The following PRR14L variants were observed in gnomAD, a reference collection of about 807,000 sequenced individuals.
PRR14L encodes protein PRR14L.
A neutral mutation model predicts 155.0 loss-of-function variants in PRR14L; 80 were observed. That is an observed-to-expected ratio of 0.52 (90% CI 0.43 to 0.62). The LOEUF is 0.62. PRR14L is among the 20% of genes least tolerant of loss of function. The pLI is 0.00. For missense variants in PRR14L, 2,469 were observed against 2,548.0 expected (o/e 0.97, Z 0.67); for synonymous variants, 883 against 916.0 (o/e 0.96, Z 0.65).
chr22:31,723,018 A>T (rs1043703972), intron 3 of PRR14L, among the ~76,000 whole-genome samples: 2 of 152,080 alleles, frequency 1.3e-5, no homozygotes, highest in African/African-American at 2.4e-5. Flanking sequence ...TCTCCACAGA[A>T]TCTTCTTCTC....
At chr22:31,727,546 A>C (rs2074723478) in intron 2 of PRR14L, among the ~76,000 whole-genome samples, 1 of 152,060 alleles carries the variant, frequency 6.6e-6, no homozygotes, top group Non-Finnish European at 1.5e-5. Context: ...ATTAGCCACA[A>C]TTCTTAACAG....
At chr22:31,723,147 C>T (rs2074699891) in intron 3 of PRR14L, among the ~76,000 whole-genome samples, 1 of 152,140 alleles carries the variant, frequency 6.6e-6, no homozygotes, top group African/African-American at 2.4e-5. Context: ...CTGCTAAAAA[C>T]TCTAGTAGAG....
chr22:31,739,037 C>T (rs1221470588), intron 1 of PRR14L, 126 bp from the exon 2 acceptor site: 2 of 529,942 alleles, frequency 3.8e-6, no homozygotes, highest in South Asian at 3.2e-5. Context: ...TTATCTGGCA[C>T]CAAAAATTTC....
chr22:31,712,581 A>G lies in PRR14L; in HGVS notation c.5258T>C (p.Leu1753Pro). ...APARLALGEA[L>P]QCPSQPPKWT... ...CTTGGGAGGTTGAGACGGGCACTGG[A>G]GGGCCTCTCCTAAGGCAAGCCTTGC... The change falls in exon 4 of 9, where the codon CTC becomes CCC. Residue 1753 changes from leucine (L) to proline (P), a missense_variant. By Grantham distance (98) the Leu-to-Pro change is moderately conservative (BLOSUM62 -3). Transcript: ENST00000327423. 3 of 1,551,708 alleles carry G rather than the reference A, an allele frequency of 1.9e-6. No individual in the cohort carries two copies. Among genetic ancestry groups the G allele is most frequent in the Non-Finnish European group, 2.6e-6 (3 of 1,146,994 alleles).
chr22:31,681,512 T>C lies in PRR14L; in HGVS notation c.*4015A>G, dbSNP rs1440644646. 2.0e-5 allele frequency: 3 copies of C among 152,194 alleles called. No individual in the cohort carries two copies. Among genetic ancestry groups the C allele is most frequent in the Non-Finnish European group, 2.9e-5 (2 of 68,008 alleles). The allele number at this position is 152,194 out of a possible 1,614,324, so 9.4% of individuals were successfully genotyped here. On this transcript the variant is annotated 3_prime_UTR_variant, in exon 9 of 9. Transcript: ENST00000327423. The stretch of plus-strand genomic sequence containing the variant: ...TTGAACTACTGACCATGATAATATA[T>C]AAACATGTCAGGCAGCTATTTTTAC...
Position 31,683,454 on chromosome 22 carries a change from A to G in PRR14L, c.*2073T>C, listed in dbSNP as rs1764501327. The G allele has an allele frequency of 6.6e-6, 1 of 152,376 alleles. No individual in the cohort carries two copies. The highest frequency in any genetic ancestry group is 3.4e-3 in the Middle Eastern group (1 of 296). 9.4% of individuals were successfully genotyped at this position (152,376 alleles called of 1,614,324 possible). ...CCACTCCCTTAAGCAAAAAAGTCAG[A>G]GAGAAGCATTTAGTGTCTAAGAACC... On this transcript the variant is annotated 3_prime_UTR_variant, in exon 9 of 9. Coordinates refer to ENST00000327423, the MANE Select transcript of PRR14L (RefSeq NM_173566.3).
intron 4 of PRR14L, among the ~76,000 whole-genome samples, chr22:31,707,716 A>G (rs1203829533): frequency 6.6e-6 from 1 of 152,168 alleles, no homozygotes; most frequent in East Asian, 1.9e-4. Flanking sequence ...TGTGTGCCCT[A>G]AACACATAGC....
intron 2 of PRR14L, among the ~76,000 whole-genome samples, chr22:31,732,812 TCTTC>T (rs1157330799): frequency 1.3e-5 from 2 of 152,160 alleles, no homozygotes; most frequent in African/African-American, 4.8e-5. Flanking sequence ...TATATAGAGA[TCTTC>T]CTTGTTATTA....
chr22:31,744,860 A>C (rs1019058869), intron 1 of PRR14L, among the ~76,000 whole-genome samples: 30 of 152,362 alleles, frequency 2.0e-4, no homozygotes, highest in African/African-American at 6.7e-4. Context: ...TGATAATCAC[A>C]TAAAATGGTT....
intron 4 of PRR14L, among the ~76,000 whole-genome samples, chr22:31,708,194 G>A (rs2074601635): frequency 6.6e-6 from 1 of 152,092 alleles, no homozygotes; most frequent in African/African-American, 2.4e-5. Context: ...ACATGTACTT[G>A]TAACAGCAAT....
chr22:31,708,518 G>A (rs143645061), intron 4 of PRR14L, among the ~76,000 whole-genome samples: 2,265 of 152,076 alleles, frequency 0.015, 55 homozygotes, highest in African/African-American at 0.053. Flanking sequence ...GTAGAGACGA[G>A]GTTTCACCAT....
At chr22:31,737,175 T>A (rs1238922112) in intron 2 of PRR14L, among the ~76,000 whole-genome samples, 1 of 151,910 alleles carries the variant, frequency 6.6e-6, no homozygotes, top group Non-Finnish European at 1.5e-5. Context: ...GACAGGTACA[T>A]TCCTTTAAGA....
chr22:31,716,299 A>T lies in PRR14L; in HGVS notation c.1540T>A (p.Ser514Thr). ...GGHSEESSFS[S>T]LMQIEEAGQT... ...CCTGCCTCTTCAATCTGCATCAAGG[A>T]GGAAAAACTGCTTTCTTCAGAGTGT... is the stretch of plus-strand genomic sequence containing the variant. The change falls in exon 4 of 9, where the codon TCC (serine) becomes ACC (threonine). Residue 514 changes from serine (S) to threonine (T), a missense_variant. Around this residue, in one of 2 missense-constraint regions of PRR14L, gnomAD observed 2,363 missense variants for 2,371.6 expected, o/e 1.00. Coordinates refer to ENST00000327423, the MANE Select transcript of PRR14L (RefSeq NM_173566.3). 6.4e-7 allele frequency: 1 copy of T among 1,551,678 alleles called. No individual in the cohort carries two copies. The highest frequency in any genetic ancestry group is 8.7e-7 in the Non-Finnish European group (1 of 1,146,976).
At chr22:31,742,586 C>T (rs1245462441) in intron 1 of PRR14L, among the ~76,000 whole-genome samples, 3 of 152,016 alleles carry the variant, frequency 2.0e-5, no homozygotes, top group Non-Finnish European at 2.9e-5. Context: ...AGGCTGGTCT[C>T]GAACTCCTGA....
chr22:31,736,515 C>G (rs76607414), intron 2 of PRR14L, among the ~76,000 whole-genome samples: 1,644 of 152,208 alleles, frequency 0.011, 28 homozygotes, highest in African/African-American at 0.036. Context: ...TGCCCTTTAT[C>G]CTGTGTAAAG....
At chr22:31,688,901 T>TACACACACACACACACAC (rs149232375) in intron 7 of PRR14L, among the ~76,000 whole-genome samples, 19 of 147,862 alleles carry the variant, frequency 1.3e-4, no homozygotes, top group African/African-American at 4.0e-4. Flanking sequence ...AATATATACA[T>TACACACACACACACACAC]ACACACACAC....
chr22:31,741,836 C>T (rs2074814798), intron 1 of PRR14L, among the ~76,000 whole-genome samples: 1 of 152,244 alleles, frequency 6.6e-6, no homozygotes, highest in African/African-American at 2.4e-5. Context: ...CACGCTACTG[C>T]ACTCCAGCCT....
rs55727852 is a variant in PRR14L at position 31,731,565 on chromosome 22, CAAAAAAAA to C, written c.475-5963_475-5956del. 1.2e-4 allele frequency among the ~76,000 whole-genome samples: 6 copies of C among 49,262 alleles called. 1 individual carries two copies. The highest frequency in any genetic ancestry group is 3.3e-4 in the African/African-American group (5 of 15,160). 32.3% of individuals were successfully genotyped at this position (49,262 alleles called of 152,430 possible). On this transcript the variant is annotated intron_variant, in intron 2 of 8. Coordinates refer to ENST00000327423, the MANE Select transcript of PRR14L (RefSeq NM_173566.3). ...CCTGCGTGACAGAGTGAGACTGTCT[CAAAAAAAA>C]AAAAAAAAAAAAAAAAAAAAGATAA...
At chr22:31,703,855 TGGTAC>T (rs2074575864) in intron 5 of PRR14L, 134 bp from the exon 6 acceptor site, 1 of 549,986 alleles carries the variant, frequency 1.8e-6, no homozygotes, top group South Asian at 2.9e-5. Context: ...TGGAGTGCAA[TGGTAC>T]GATCTCGGCT....
Sources: gnomAD v4.1 joint callset for allele counts (sites outside exome capture counted in the v4.1 genomes callset) on GRCh38, gnomAD v4.1.1 for gene constraint, gnomAD v4.1.1 regional missense constraint, MANE v1.5 for transcripts, NCBI Gene and HGNC (gene_info 2026-07-23, HGNC 2026-07-21) for gene names.